The following GRID1 variants were observed in gnomAD, a reference collection of about 807,000 sequenced individuals.
GRID1 encodes glutamate receptor ionotropic, delta-1.
In GRID1, 28 loss-of-function variants were observed where a neutral mutation model predicts 98.0. The ratio of observed to expected loss-of-function variants is 0.29; its 90% CI spans 0.21 to 0.39. The LOEUF (loss-of-function observed/expected upper bound fraction) is 0.39. GRID1 is among the 10% of genes least tolerant of loss of function. The pLI is 1.00. For missense variants in GRID1, 1,111 were observed against 1,340.5 expected, an observed-to-expected ratio of 0.83 and a Z score of 2.67; for synonymous variants, 553 against 538.5, an observed-to-expected ratio of 1.03 and a Z score of -0.37.
intron 3 of GRID1, among the ~76,000 whole-genome samples, chr10:86,154,319 G>A (rs577318823): frequency 4.6e-5 from 7 of 152,198 alleles, no homozygotes; most frequent in Non-Finnish European, 1.0e-4. Flanking sequence ...GCCTACGGGA[G>A]CAGGATTTTC....
At chr10:85,776,463 G>A (rs534044719) in intron 8 of GRID1, among the ~76,000 whole-genome samples, 24 of 152,240 alleles carry the variant, frequency 1.6e-4, no homozygotes, top group Non-Finnish European at 2.4e-4. Flanking sequence ...AGAAACACAC[G>A]CAAGACAGTG....
chr10:85,687,059 T>C lies in GRID1; in HGVS notation c.1997+35944A>G, dbSNP rs544160249. Among the ~76,000 whole-genome samples the C allele has an allele frequency of 4.9e-4, 74 of 152,318 alleles. 1 individual carries two copies. The highest frequency in any genetic ancestry group is 1.9e-3 in the Admixed American group (29 of 15,302). The stretch of plus-strand genomic sequence containing the variant: ...TGTATAATAATCTTATCTTCCACAG[T>C]GGAGATTAAAATACTTGAACCCGAT... On this transcript the variant is annotated intron_variant, in intron 12 of 15. Transcript: ENST00000327946.
intron 3 of GRID1, among the ~76,000 whole-genome samples, chr10:86,161,749 C>T (rs1439850351): frequency 6.6e-6 from 1 of 152,132 alleles, no homozygotes; most frequent in African/African-American, 2.4e-5. Flanking sequence ...GCTGACTTGC[C>T]TGAGCCACAG....
At chr10:86,331,215 G>A (rs17106589) in intron 2 of GRID1, among the ~76,000 whole-genome samples, 2,710 of 152,254 alleles carry the variant, frequency 0.018, 55 homozygotes, top group African/African-American at 0.047. Flanking sequence ...TCTGCCAGCC[G>A]CCCAGAGTAT....
chr10:86,240,206 A>G (rs1191452790), intron 2 of GRID1, among the ~76,000 whole-genome samples: 2 of 152,220 alleles, frequency 1.3e-5, no homozygotes, highest in African/African-American at 2.4e-5. Context: ...CCAGATAAGG[A>G]AACTGTGGCT....
intron 2 of GRID1, among the ~76,000 whole-genome samples, chr10:86,275,481 AAT>A (rs1370291820): frequency 2.6e-5 from 4 of 152,150 alleles, no homozygotes; most frequent in Non-Finnish European, 5.9e-5. Context: ...AACTGTCTTA[AAT>A]ATGCTGAAAG....
chr10:86,206,326 T>C lies in GRID1; in HGVS notation c.520+38A>G, dbSNP rs141099887. The C allele has an allele frequency of 8.2e-5, 128 of 1,560,018 alleles. 1 individual carries two copies. In the Middle Eastern group the frequency reaches 1.5e-3, roughly 19 times the overall value. ...GTCTCCCAGCATCTGGCCATCCCTG[T>C]CCCCAAGCAGCCCCAGCTCGCCTGC... On this transcript the variant is annotated intron_variant, in intron 3 of 15. Coordinates refer to ENST00000327946, the MANE Select transcript of GRID1 (RefSeq NM_017551.3). The surrounding 1 kb of genome is among the most constrained non-coding windows in gnomAD (Gnocchi z 4.1).
intron 4 of GRID1, among the ~76,000 whole-genome samples, chr10:86,033,659 C>T (rs539018658): frequency 3.9e-5 from 6 of 152,316 alleles, no homozygotes; most frequent in East Asian, 3.9e-4. Context: ...ATGGGCCACC[C>T]GGAGCCCTCT....
chr10:86,130,963 G>A (rs1844826817), intron 4 of GRID1, among the ~76,000 whole-genome samples: 2 of 152,120 alleles, frequency 1.3e-5, no homozygotes, highest in Non-Finnish European at 2.9e-5. Flanking sequence ...GGAGCAAGCA[G>A]CCAAACAAAG....
chr10:86,107,925 C>A (rs539941722), intron 4 of GRID1, among the ~76,000 whole-genome samples: 11 of 152,314 alleles, frequency 7.2e-5, no homozygotes, highest in African/African-American at 2.2e-4. Context: ...CTCAATAAAA[C>A]CTTGCACTCA....
At chr10:86,102,628 T>A (rs1486706547) in intron 4 of GRID1, among the ~76,000 whole-genome samples, 1 of 152,224 alleles carries the variant, frequency 6.6e-6, no homozygotes, top group Non-Finnish European at 1.5e-5. Flanking sequence ...ACAACATAAA[T>A]GTGCCCAGTC....
intron 3 of GRID1, among the ~76,000 whole-genome samples, chr10:86,204,938 C>T (rs1010652088): frequency 3.5e-4 from 44 of 125,210 alleles, no homozygotes; most frequent in African/African-American, 1.3e-3. Context: ...GCAGGCAGCT[C>T]GGGGCTGTTA....
intron 4 of GRID1, among the ~76,000 whole-genome samples, chr10:85,919,359 C>T (rs1021863148): frequency 1.3e-5 from 2 of 152,222 alleles, no homozygotes; most frequent in Non-Finnish European, 2.9e-5. Context: ...TAAGCATCAG[C>T]TAATTTGTTA....
At chr10:86,340,584 G>A (rs73340259) in intron 2 of GRID1, among the ~76,000 whole-genome samples, 3 of 152,162 alleles carry the variant, frequency 2.0e-5, no homozygotes, top group African/African-American at 7.2e-5. Flanking sequence ...TACTCCAGGG[G>A]CACAGGGGCC....
At chr10:85,761,503 C>T (rs947277111) in intron 8 of GRID1, among the ~76,000 whole-genome samples, 4 of 152,156 alleles carry the variant, frequency 2.6e-5, no homozygotes, top group African/African-American at 7.2e-5. Flanking sequence ...ACAGTGCCCA[C>T]GGTGTGCAGA....
intron 2 of GRID1, among the ~76,000 whole-genome samples, chr10:86,330,198 C>T (rs543753212): frequency 7.7e-4 from 118 of 152,264 alleles, no homozygotes; most frequent in African/African-American, 2.7e-3. Context: ...TGACCCCAGA[C>T]TCACCATTCC....
chr10:86,251,481 C>A (rs555765441), intron 2 of GRID1, among the ~76,000 whole-genome samples: 1 of 152,140 alleles, frequency 6.6e-6, no homozygotes, highest in Non-Finnish European at 1.5e-5. Context: ...CTCATGTCTG[C>A]GGGAGCTGGT....
At chr10:85,691,151 AAC>A (rs1321123407) in intron 12 of GRID1, among the ~76,000 whole-genome samples, 1 of 152,244 alleles carries the variant, frequency 6.6e-6, no homozygotes, top group Non-Finnish European at 1.5e-5. Flanking sequence ...CCACTGTGCT[AAC>A]ACACAAAAAA....
At chr10:85,743,452 T>C (rs1382864174) in intron 8 of GRID1, among the ~76,000 whole-genome samples, 2 of 152,098 alleles carry the variant, frequency 1.3e-5, no homozygotes, top group Non-Finnish European at 2.9e-5. Flanking sequence ...CATGCAGTAA[T>C]AGTAACTTGA....
Sources: allele counts gnomAD v4.1 joint callset (sites outside exome capture counted in the v4.1 genomes callset), GRCh38; gene constraint gnomAD v4.1.1; non-coding constraint Gnocchi (gnomAD v3.1); transcripts MANE v1.5; gene names NCBI Gene and HGNC (gene_info 2026-07-23, HGNC 2026-07-21).